The following SCTR variants were observed in gnomAD, a reference collection of about 807,000 sequenced individuals.
The protein encoded by SCTR is pancreatic secretin receptor.
A neutral mutation model predicts 60.8 loss-of-function variants in SCTR; 56 were observed. The ratio of observed to expected loss-of-function variants is 0.92; its 90% confidence interval spans 0.74 to 1.15. SCTR has a LOEUF of 1.15. SCTR is among the 50% of genes most tolerant of loss of function. The pLI is 0.00. For missense variants in SCTR, 562 were observed against 550.4 expected (o/e 1.02, Z -0.21); for synonymous variants, 202 against 217.0 (o/e 0.93, Z 0.61).
intron 4 of SCTR, among the ~76,000 whole-genome samples, chr2:119,469,205 A>C (rs2579649): frequency 0.84 from 128,092 of 152,054 alleles, 54,112 homozygotes; most frequent in South Asian, 0.9. Context: ...ATATGTTAAC[A>C]TATAATCTCG....
chr2:119,441,460 A>T, intron 12 of SCTR, 98 bp downstream of exon 12: 1 of 954,908 alleles, frequency 1.0e-6, no homozygotes, highest in South Asian at 1.4e-5. Flanking sequence ...GACCCTTTCC[A>T]TCCCCCTTCC....
intron 1 of SCTR, among the ~76,000 whole-genome samples, chr2:119,508,383 C>CTTTTTTTTTTTTTTTTTTTTTTTTTT (rs34070844): frequency 1.3e-5 from 1 of 77,376 alleles, no homozygotes; most frequent in Non-Finnish European, 2.3e-5. Context: ...TCTTCTTCTT[C>CTTTTTTTTTTTTTTTTTTTTTTTTTT]TTTTTTTTTT....
In SCTR at chr2:119,494,504, C is replaced by T; in HGVS notation, c.117G>A (p.Trp39Ter). 1 of 1,614,104 alleles carries T rather than the reference C, an allele frequency of 6.2e-7. No homozygotes were observed. The highest frequency in any genetic ancestry group is 1.1e-5 in the South Asian group (1 of 91,072). Residue 39 changes from tryptophan (W) to a stop codon, truncating the protein, a stop_gained, in exon 2 of 13, where the codon TGG becomes TGA. Coordinates refer to ENST00000019103, the MANE Select transcript of SCTR (RefSeq NM_002980.3). LOFTEE classifies it high-confidence loss of function. ...PRLCDVLQVL[W>*]EEQDQCLQEL... ...CCTGCAGGCACTGGTCTTGCTCTTC[C>T]CACAGCACTTGTAGCACGTCACATA...
intron 6 of SCTR, among the ~76,000 whole-genome samples, chr2:119,462,395 G>C (rs1683647788): frequency 6.6e-6 from 1 of 152,174 alleles, no homozygotes. Context: ...CTGAGCAAAG[G>C]GTTAAAAAAA....
At chr2:119,457,902 G>A (rs1044767872) in intron 7 of SCTR, among the ~76,000 whole-genome samples, 2 of 152,150 alleles carry the variant, frequency 1.3e-5, no homozygotes, top group Admixed American at 6.5e-5. Flanking sequence ...AAGAAGTGAA[G>A]GCAGGAGATT....
chr2:119,520,401 AG>A (rs1679252514), intron 1 of SCTR, among the ~76,000 whole-genome samples: 1 of 152,184 alleles, frequency 6.6e-6, no homozygotes, highest in Non-Finnish European at 1.5e-5. Context: ...TGGGAGGCTG[AG>A]GTGGGAAGAT....
At chr2:119,487,791 G>C (rs568915662) in intron 2 of SCTR, among the ~76,000 whole-genome samples, 2 of 152,254 alleles carry the variant, frequency 1.3e-5, no homozygotes, top group East Asian at 3.9e-4. Context: ...TGGCGGGCTC[G>C]GTGACAGCTC....
chr2:119,490,532 A>G (rs1489505030), intron 2 of SCTR, among the ~76,000 whole-genome samples: 1 of 152,106 alleles, frequency 6.6e-6, no homozygotes, highest in Non-Finnish European at 1.5e-5. Flanking sequence ...CTAAAACTAC[A>G]TGTGTGATTT....
At position 119,448,539 on chromosome 2, in the gene SCTR, C is replaced by G. The variant is rs1459591256; in HGVS notation, c.1013+150G>C. On this transcript the variant is annotated intron_variant, in intron 10 of 12. Coordinates refer to ENST00000019103, the MANE Select transcript of SCTR (RefSeq NM_002980.3). ...GAGGCTCTAAAATCAGACCATTCCC[C>G]GCAACCGCCCCCATGTACCTGGTAA... is the stretch of plus-strand genomic sequence containing the variant. The G allele has an allele frequency of 1.5e-5, 9 of 609,770 alleles. No individual in the cohort carries two copies. In the Admixed American group the frequency reaches 1.8e-4, roughly 13 times the overall value. The allele number at this position is 609,770 out of a possible 1,614,324, so 37.8% of individuals were successfully genotyped here. A position where few individuals can be genotyped will look rare whatever the true frequency, so the allele number is the denominator to read the frequency against.
chr2:119,461,263 C>A (rs868248257), intron 7 of SCTR, among the ~76,000 whole-genome samples: 11 of 152,236 alleles, frequency 7.2e-5, no homozygotes, highest in Middle Eastern at 3.4e-3. Flanking sequence ...AGGAATGCAC[C>A]GTCTAAAGGC....
intron 1 of SCTR, among the ~76,000 whole-genome samples, chr2:119,504,450 G>T (rs1421109481): frequency 3.3e-5 from 5 of 152,000 alleles, no homozygotes; most frequent in Admixed American, 3.3e-4. Flanking sequence ...AATTAGCTGG[G>T]CGTGGTGGCG....
At position 119,506,671 on chromosome 2, in the gene SCTR, G is replaced by A. The variant is rs192849740; in HGVS notation, c.73-12123C>T. Among the ~76,000 whole-genome samples the A allele has an allele frequency of 3.9e-5, 6 of 151,994 alleles. No homozygotes were observed. The East Asian group carries it at 9.7e-4, about 25-fold the overall frequency. On this transcript the variant is annotated intron_variant, in intron 1 of 12. Coordinates refer to ENST00000019103, the MANE Select transcript of SCTR (RefSeq NM_002980.3). Reference sequence around the variant, plus strand: ...ATTTTTAATACTTTTTGTAGAAATGGGGTCTCTGTTCCCAGGCTGATCTTG... The same window carrying A: ...ATTTTTAATACTTTTTGTAGAAATGAGGTCTCTGTTCCCAGGCTGATCTTG...
intron 1 of SCTR, among the ~76,000 whole-genome samples, chr2:119,521,139 C>A (rs892063831): frequency 6.6e-6 from 1 of 152,162 alleles, no homozygotes; most frequent in South Asian, 2.1e-4. Context: ...AAGGAAAAAC[C>A]AGCCCCACAC....
Position 119,495,272 on chromosome 2 carries a change from A to T in SCTR, c.73-724T>A, listed in dbSNP as rs139260681. Reference sequence around the variant, plus strand: ...CAGCCTGAAAACCTAGTTTTGATTCAGACAAGTTCTTTAAAATGTACACTT... The same window carrying T: ...CAGCCTGAAAACCTAGTTTTGATTCTGACAAGTTCTTTAAAATGTACACTT... On this transcript the variant is annotated intron_variant, in intron 1 of 12. Transcript: ENST00000019103. Among the ~76,000 whole-genome samples the T allele has an allele frequency of 1.2e-4, 18 of 152,364 alleles. No homozygotes were observed. The East Asian group carries it at 3.5e-3, about 29-fold the overall frequency.
At chr2:119,524,113 G>T (rs1679375434) in intron 1 of SCTR, 42 bp downstream of exon 1, 1 of 1,494,716 alleles carries the variant, frequency 6.7e-7, no homozygotes, top group Non-Finnish European at 9.1e-7. Context: ...CGAGACTGTC[G>T]CTCCCTCGGG....
At chr2:119,487,465 G>C (rs182943846) in intron 2 of SCTR, 1 of 152,366 alleles carries the variant, frequency 6.6e-6, no homozygotes, top group Admixed American at 6.5e-5. Context: ...GAGAGGACCA[G>C]TGTCTTGCTC....
At chr2:119,483,890 C>T (rs370232612) in intron 2 of SCTR, among the ~76,000 whole-genome samples, 37 of 152,102 alleles carry the variant, frequency 2.4e-4, no homozygotes, top group East Asian at 2.0e-3. Context: ...CTGCCTTGCA[C>T]GGTCCCCAGG....
chr2:119,440,792 G>C (rs1461153834), intron 12 of SCTR, among the ~76,000 whole-genome samples: 1 of 152,196 alleles, frequency 6.6e-6, no homozygotes, highest in Non-Finnish European at 1.5e-5. Context: ...CCCAAGCTCA[G>C]AACTGATCTG....
intron 7 of SCTR, among the ~76,000 whole-genome samples, chr2:119,460,038 C>T (rs777300644): frequency 6.6e-6 from 1 of 151,782 alleles, no homozygotes; most frequent in African/African-American, 2.4e-5. Flanking sequence ...CCCGATGGCC[C>T]GGGGTCAGGT....
Sources: gnomAD v4.1 joint callset for allele counts (sites outside exome capture counted in the v4.1 genomes callset) on GRCh38, gnomAD v4.1.1 for gene constraint, MANE v1.5 for transcripts, NCBI Gene and HGNC (gene_info 2026-07-23, HGNC 2026-07-21) for gene names.